Variants in FYB1 observed in about 807,000 individuals in gnomAD.
FYB1 encodes the protein FYN binding protein 1.
FYB1 carries 41 observed loss-of-function variants against 94.1 expected under a neutral mutation model. That is an observed-to-expected ratio of 0.44 (90% CI 0.34 to 0.57). FYB1 has a LOEUF of 0.57. FYB1 is among the 20% of genes least tolerant of loss of function. The pLI, the probability that FYB1 is intolerant of heterozygous loss-of-function variation, is 0.02. For synonymous variants in FYB1, 367 were observed against 353.2 expected (o/e 1.04, Z -0.44); for missense variants, 1,050 against 976.8 (o/e 1.07, Z -1.00).
At chr5:39,169,765 C>A in intron 2 of FYB1, 1 of 486,164 alleles carries the variant, frequency 2.1e-6, no homozygotes, top group South Asian at 1.7e-5. Context: ...GGGATGTGCT[C>A]AGTGCAGGCA....
chr5:39,129,846 G>A (rs1741024403), intron 10 of FYB1, among the ~76,000 whole-genome samples: 1 of 151,868 alleles, frequency 6.6e-6, no homozygotes, highest in African/African-American at 2.4e-5. Flanking sequence ...CAGTCATTAT[G>A]GAGATTTTTC....
chr5:39,248,836 C>A (rs1751595229), intron 1 of FYB1, among the ~76,000 whole-genome samples: 1 of 152,074 alleles, frequency 6.6e-6, no homozygotes, highest in Admixed American at 6.6e-5. Flanking sequence ...GACTCTGTCT[C>A]CAGGTAGGGT....
intron 2 of FYB1, among the ~76,000 whole-genome samples, chr5:39,198,781 T>A (rs193051661): frequency 1.3e-5 from 2 of 152,148 alleles, no homozygotes; most frequent in Non-Finnish European, 2.9e-5. Flanking sequence ...CAGTTTATAA[T>A]ATTTCCAACT....
At chr5:39,245,591 A>G (rs184705158) in intron 1 of FYB1, among the ~76,000 whole-genome samples, 2 of 147,074 alleles carry the variant, frequency 1.4e-5, no homozygotes, top group African/African-American at 5.3e-5. Flanking sequence ...ATGAGAAGGA[A>G]GAGGAAGAGG....
chr5:39,251,897 C>T (rs1751726784), intron 1 of FYB1, among the ~76,000 whole-genome samples: 1 of 152,126 alleles, frequency 6.6e-6, no homozygotes, highest in African/African-American at 2.4e-5. Context: ...GTAATCCCAG[C>T]ACTTTGGGAG....
At chr5:39,174,472 C>T (rs999639227) in intron 2 of FYB1, among the ~76,000 whole-genome samples, 4 of 152,168 alleles carry the variant, frequency 2.6e-5, no homozygotes. Context: ...AAGCCATCTT[C>T]CTGGTTCTGC....
chr5:39,240,963 T>A (rs1027202144), intron 1 of FYB1, among the ~76,000 whole-genome samples: 3 of 152,104 alleles, frequency 2.0e-5, no homozygotes, highest in Admixed American at 1.3e-4. Context: ...AATGTACATA[T>A]ACACCATGGA....
chr5:39,195,025 C>A (rs528694483), intron 2 of FYB1, among the ~76,000 whole-genome samples: 1 of 152,062 alleles, frequency 6.6e-6, no homozygotes, highest in Admixed American at 6.6e-5. Flanking sequence ...GGCTGTTACC[C>A]GAAGCTGAAC....
At chr5:39,187,392 T>C (rs1163674489) in intron 2 of FYB1, among the ~76,000 whole-genome samples, 1 of 152,186 alleles carries the variant, frequency 6.6e-6, no homozygotes, top group Non-Finnish European at 1.5e-5. Context: ...AGCTTGCTTT[T>C]GCATTGGTCT....
intron 1 of FYB1, among the ~76,000 whole-genome samples, chr5:39,206,102 T>A (rs1035555787): frequency 6.6e-6 from 1 of 152,198 alleles, no homozygotes; most frequent in African/African-American, 2.4e-5. Context: ...TACTCCTGAA[T>A]AACATAATAG....
intron 10 of FYB1, among the ~76,000 whole-genome samples, chr5:39,129,187 C>T (rs576855163): frequency 2.0e-5 from 3 of 151,912 alleles, no homozygotes; most frequent in African/African-American, 7.2e-5. Context: ...TAGAAAAAGG[C>T]ACCAAGAACA....
At chr5:39,153,908 G>A (rs1350213151) in intron 2 of FYB1, among the ~76,000 whole-genome samples, 1 of 151,916 alleles carries the variant, frequency 6.6e-6, no homozygotes, top group African/African-American at 2.4e-5. Context: ...TGAGTAGCTG[G>A]GACTACACGC....
At chr5:39,241,692 G>A (rs1230994739) in intron 1 of FYB1, among the ~76,000 whole-genome samples, 7 of 152,128 alleles carry the variant, frequency 4.6e-5, no homozygotes, top group African/African-American at 7.2e-5. Context: ...CTGCACAACC[G>A]TAAGAGGTGC....
chr5:39,211,333 T>G (rs887597675), intron 1 of FYB1, among the ~76,000 whole-genome samples: 7 of 150,870 alleles, frequency 4.6e-5, no homozygotes, highest in African/African-American at 1.5e-4. Flanking sequence ...TTTTTTTTTT[T>G]TTTTTGAGAC....
At chr5:39,211,777 C>G (rs550824077) in intron 1 of FYB1, among the ~76,000 whole-genome samples, 27 of 152,186 alleles carry the variant, frequency 1.8e-4, no homozygotes, top group Non-Finnish European at 3.7e-4. Context: ...TCGTGTCACT[C>G]CCAACAAACA....
intron 18 of FYB1, among the ~76,000 whole-genome samples, 154 bp downstream of exon 18, chr5:39,108,077 C>A (rs1302936528): frequency 6.6e-6 from 1 of 151,838 alleles, no homozygotes; most frequent in Admixed American, 6.6e-5. Context: ...ATTTTCCCCC[C>A]ATTATGCCAG....
At chr5:39,239,398 T>C (rs1579761448) in intron 1 of FYB1, among the ~76,000 whole-genome samples, 1 of 152,148 alleles carries the variant, frequency 6.6e-6, no homozygotes, top group East Asian at 1.9e-4. Flanking sequence ...GATATGATTG[T>C]ACAACTAGAA....
chr5:39,264,864 A>T (rs181108811), intron 1 of FYB1, among the ~76,000 whole-genome samples: 1 of 152,002 alleles, frequency 6.6e-6, no homozygotes, highest in Admixed American at 6.6e-5. Context: ...TCTCAAGAGG[A>T]TTTCTCCCCT....
intron 3 of FYB1, among the ~76,000 whole-genome samples, chr5:39,153,118 G>A (rs572325912): frequency 6.6e-6 from 1 of 152,328 alleles, no homozygotes; most frequent in African/African-American, 2.4e-5. Context: ...TAGTGGAGGA[G>A]TTGGAGATGT....
Sources: allele counts gnomAD v4.1 joint callset (sites outside exome capture counted in the v4.1 genomes callset), GRCh38; gene constraint gnomAD v4.1.1; transcripts MANE v1.5; gene names NCBI Gene and HGNC (gene_info 2026-07-23, HGNC 2026-07-21).